The following ZRANB1 variants were observed in gnomAD, a reference collection of about 807,000 sequenced individuals.
ZRANB1 encodes zinc finger RANBP2-type containing 1.
Under a neutral mutation model 80.5 loss-of-function variants are expected in ZRANB1, and 16 were observed. That is an observed-to-expected ratio of 0.20 (90% CI 0.13 to 0.30). The LOEUF is 0.30. Among genes scored for constraint, ZRANB1 ranks in the 10% least tolerant of loss-of-function variants. The pLI is 1.00. For synonymous variants in ZRANB1, 291 were observed against 293.1 expected, an observed-to-expected ratio of 0.99 and a Z score of 0.07; for missense variants, 576 against 862.6, an observed-to-expected ratio of 0.67 and a Z score of 4.16.
intron 1 of ZRANB1, among the ~76,000 whole-genome samples, chr10:124,964,919 G>A (rs530785750): frequency 6.6e-6 from 1 of 152,256 alleles, no homozygotes; most frequent in South Asian, 2.1e-4. Context: ...AAAAGTTATG[G>A]GCCCTACCAG....
intron 8 of ZRANB1, among the ~76,000 whole-genome samples, chr10:124,984,001 C>T (rs1951968917): frequency 6.6e-6 from 1 of 151,766 alleles, no homozygotes; most frequent in Non-Finnish European, 1.5e-5. Context: ...AATTGCAAGG[C>T]CAGTGTGGTT....
At chr10:124,958,836 C>A (rs1277968404) in intron 1 of ZRANB1, among the ~76,000 whole-genome samples, 3 of 152,060 alleles carry the variant, frequency 2.0e-5, no homozygotes, top group African/African-American at 7.2e-5. Context: ...CGTTCACTTT[C>A]TTTGGTGATT....
chr10:124,957,185 T>A (rs1022913486), intron 1 of ZRANB1, among the ~76,000 whole-genome samples: 4 of 138,456 alleles, frequency 2.9e-5, no homozygotes, highest in Admixed American at 1.4e-4. Flanking sequence ...TTTTTTTTTT[T>A]ATTTCATGAT....
At chr10:124,944,799 C>A (rs1346944316) in intron 1 of ZRANB1, among the ~76,000 whole-genome samples, 2 of 152,116 alleles carry the variant, frequency 1.3e-5, no homozygotes, top group South Asian at 2.1e-4. Flanking sequence ...CAGCTGAAAT[C>A]CTGAGTTTTC....
intron 6 of ZRANB1, among the ~76,000 whole-genome samples, chr10:124,982,541 A>G (rs1450788736): frequency 4.6e-5 from 7 of 152,192 alleles, no homozygotes; most frequent in Admixed American, 3.9e-4. Flanking sequence ...GAAGCACTTC[A>G]GTATACCAAA....
chr10:124,947,558 A>T (rs1335875656), intron 1 of ZRANB1, among the ~76,000 whole-genome samples: 2 of 152,226 alleles, frequency 1.3e-5, no homozygotes, highest in African/African-American at 4.8e-5. Context: ...TCCTAGACTC[A>T]TATATCCAGC....
chr10:124,940,579 A>G, upstream of ZRANB1: 14 of 1,265,728 alleles, frequency 1.1e-5, no homozygotes, highest in Non-Finnish European at 1.3e-5. Context: ...GCTATTAAGT[A>G]GTATACTTTC....
chr10:124,970,047 T>C (rs1310519391), intron 2 of ZRANB1, among the ~76,000 whole-genome samples: 2 of 152,198 alleles, frequency 1.3e-5, no homozygotes, highest in Non-Finnish European at 2.9e-5. Flanking sequence ...GGGAATAAGC[T>C]ATTTTTGAAT....
At chr10:124,967,877 C>T (rs977777186) in intron 2 of ZRANB1, among the ~76,000 whole-genome samples, 45 of 151,646 alleles carry the variant, frequency 3.0e-4, no homozygotes, top group African/African-American at 1.0e-3. Flanking sequence ...CAGAATGTGA[C>T]TACATTATCC....
chr10:124,924,813 A>G, the ZRANB1 span, among the ~76,000 whole-genome samples: 3 of 152,056 alleles, frequency 2.0e-5, no homozygotes, highest in South Asian at 2.1e-4. Flanking sequence ...TCTCTTGGGT[A>G]TATACCTACA....
At chr10:124,941,039 A>G (rs72828952), upstream of ZRANB1, among the ~76,000 whole-genome samples, 51,826 of 151,700 alleles carry the variant, frequency 0.34, 10,403 homozygotes, top group East Asian at 0.5. Context: ...AAAAGATTTA[A>G]CCCTCTAGGT....
At chr10:124,947,401 A>G (rs887818955) in intron 1 of ZRANB1, among the ~76,000 whole-genome samples, 2 of 152,202 alleles carry the variant, frequency 1.3e-5, no homozygotes, top group African/African-American at 4.8e-5. Context: ...AGCACTACCT[A>G]ATGCCCTGCT....
chr10:124,941,656 T>C (rs1951537423), upstream of ZRANB1, among the ~76,000 whole-genome samples: 1 of 152,104 alleles, frequency 6.6e-6, no homozygotes, highest in Non-Finnish European at 1.5e-5. Context: ...GGCCATGAAT[T>C]AGATTTTGAG....
At chr10:124,954,154 T>G (rs1392916979) in intron 1 of ZRANB1, among the ~76,000 whole-genome samples, 3 of 141,828 alleles carry the variant, frequency 2.1e-5, no homozygotes, top group East Asian at 4.0e-4. Flanking sequence ...TTTTTTTTTT[T>G]TTTTTTTTTT....
chr10:124,955,377 A>G (rs1035560662), intron 1 of ZRANB1, among the ~76,000 whole-genome samples: 1 of 152,012 alleles, frequency 6.6e-6, no homozygotes, highest in Admixed American at 6.5e-5. Context: ...CTGTGATTAC[A>G]GGCATGAGCT....
chr10:124,984,659 A>G (rs1429703738), intron 8 of ZRANB1, 115 bp from the exon 9 acceptor site: 2 of 1,028,826 alleles, frequency 1.9e-6, no homozygotes, highest in Admixed American at 5.6e-5. Context: ...TGAAAAGTTG[A>G]TTGCTTTGGC....
the ZRANB1 span, among the ~76,000 whole-genome samples, chr10:124,919,598 TTCCTCC>T: frequency 6.6e-6 from 1 of 150,572 alleles, no homozygotes; most frequent in Non-Finnish European, 1.5e-5. Flanking sequence ...TTTTTTTTTT[TTCCTCC>T]TCCTCCTCCT....
At position 124,966,647 on chromosome 10, in the gene ZRANB1, G is replaced by A; in HGVS notation, c.868G>A (p.Asp290Asn). 1 of 1,614,172 alleles carries A rather than the reference G, an allele frequency of 6.2e-7. No homozygotes were observed. The highest frequency in any genetic ancestry group is 8.5e-7 in the Non-Finnish European group (1 of 1,180,018). The change falls in exon 2 of 9, where the codon GAC (aspartate) becomes AAC (asparagine). Residue 290 changes from aspartate to asparagine, a missense_variant. This residue lies in a region of ZRANB1 where 411 missense variants were observed against 583.1 expected (regional missense o/e 0.70). Coordinates refer to ENST00000359653, the MANE Select transcript of ZRANB1 (RefSeq NM_017580.3). ...AGAAGCATACAAGTCATCAGGAGGA[G>A]ACATTGCACGTCAGCTCACCGCAGA... ...AIEAYKSSGG[D>N]IARQLTADEV...
Position 124,942,959 on chromosome 10 carries a change from T to C in ZRANB1, c.466T>C (p.Ser156Pro), listed in dbSNP as rs769274447. 2.5e-6 allele frequency: 4 copies of C among 1,614,248 alleles called. No individual in the cohort carries two copies. Among genetic ancestry groups the C allele is most frequent in the Middle Eastern group, 1.6e-4 (1 of 6,062 alleles). The change falls in exon 1 of 9, where the codon TCT becomes CCT. Residue 156 changes from serine (S) to proline (P), a missense_variant. Physicochemically the swap from Ser to Pro is moderately conservative, Grantham distance 74. Around this residue, in one of 3 missense-constraint regions of ZRANB1, gnomAD observed 411 missense variants for 583.1 expected, o/e 0.70. Coordinates refer to ENST00000359653, the MANE Select transcript of ZRANB1 (RefSeq NM_017580.3). Reference protein sequence around the residue: ...LNTRTQHWTCSVCTYENWAKA... With the variant: ...LNTRTQHWTCPVCTYENWAKA... ...CACTAGGACACAGCACTGGACTTGC[T>C]CTGTTTGCACATATGAAAACTGGGC...
Sources: allele counts gnomAD v4.1 joint callset (sites outside exome capture counted in the v4.1 genomes callset), GRCh38; gene constraint gnomAD v4.1.1; regional missense constraint gnomAD v4.1.1; transcripts MANE v1.5; gene names NCBI Gene and HGNC (gene_info 2026-07-23, HGNC 2026-07-21).